The following STS variants were observed in gnomAD, a reference collection of about 807,000 sequenced individuals.
STS encodes the protein steryl-sulfatase.
A neutral mutation model predicts 26.8 loss-of-function variants in STS; 7 were observed. The ratio of observed to expected loss-of-function variants is 0.26; its 90% CI spans 0.15 to 0.49. The LOEUF is 0.49. STS is among the 20% of genes least tolerant of loss of function. The pLI, the probability that STS is intolerant of heterozygous loss-of-function variation, is 0.98. For missense variants in STS, 434 were observed against 465.6 expected, an observed-to-expected ratio of 0.93 and a Z score of 0.63; for synonymous variants, 199 against 189.4, an observed-to-expected ratio of 1.05 and a Z score of -0.42.
intron 7 of STS, among the ~76,000 whole-genome samples, chrX:7,277,254 A>G (rs1256389528): frequency 1.8e-5 from 2 of 112,015 alleles, no homozygotes; most frequent in Non-Finnish European, 3.8e-5. Flanking sequence ...GAAGATTTTC[A>G]TATATTTGTT....
chrX:7,183,132 A>AT (rs1463271364), intron 1 of STS, among the ~76,000 whole-genome samples: 5 of 111,264 alleles, frequency 4.5e-5, no homozygotes, highest in Admixed American at 9.6e-5. Flanking sequence ...ATTTTGCTTG[A>AT]TTTTTTTTCA....
At chrX:7,345,960 G>A (rs1328307101) in intron 10 of STS, among the ~76,000 whole-genome samples, 3 of 111,996 alleles carry the variant, frequency 2.7e-5, no homozygotes, top group African/African-American at 9.7e-5. Flanking sequence ...CACTTCCTGT[G>A]GCTGAGTCGC....
intron 1 of STS, among the ~76,000 whole-genome samples, chrX:7,152,247 C>T (rs754670990): frequency 5.4e-5 from 6 of 112,083 alleles, no homozygotes; most frequent in Non-Finnish European, 5.6e-5. Context: ...CCACCACGCC[C>T]GGCCAGGATT....
At chrX:7,174,991 G>A (rs1479500020) in intron 1 of STS, among the ~76,000 whole-genome samples, 10 of 110,529 alleles carry the variant, frequency 9.0e-5, no homozygotes, top group African/African-American at 2.6e-4. Context: ...ACTTCTTTTC[G>A]AAGGTCAGAA....
Position 7,351,821 on chromosome X carries a change from A to G in STS, c.*1560A>G, listed in dbSNP as rs1433477074. ...TATAATTTCTCTATCCCTACCCACA[A>G]CCCTGGGAAGTTGGAGCAAGAGGGG... On this transcript the variant is annotated 3_prime_UTR_variant, in exon 11 of 11. Coordinates refer to ENST00000674429, the MANE Select transcript of STS (RefSeq NM_001320752.2). 9.2e-6 allele frequency: 1 copy of G among 109,090 alleles called. No homozygotes were observed. The highest frequency in any genetic ancestry group is 3.3e-5 in the African/African-American group (1 of 29,851). The allele number at this position is 109,090 out of a possible 1,213,427, so 9.0% of individuals were successfully genotyped here.
chrX:7,148,313 C>T (rs1490166462), intron 1 of STS: 16 of 264,254 alleles, frequency 6.1e-5, no homozygotes, highest in Non-Finnish European at 1.0e-4. Flanking sequence ...TGGGCTTTCG[C>T]CGCAGCTGTA....
intron 2 of STS, among the ~76,000 whole-genome samples, chrX:7,223,700 G>C (rs1267182878): frequency 9.0e-6 from 1 of 110,583 alleles, no homozygotes; most frequent in Non-Finnish European, 1.9e-5. Flanking sequence ...TTTCCATTCT[G>C]TAGGTTGTCT....
At chrX:7,255,430 T>A (rs762330985) in intron 3 of STS, among the ~76,000 whole-genome samples, 1 of 111,990 alleles carries the variant, frequency 8.9e-6, no homozygotes, top group South Asian at 3.7e-4. Context: ...TATTATGTAT[T>A]CCTAAGATAT....
At chrX:7,235,029 C>T (rs147460299) in intron 2 of STS, among the ~76,000 whole-genome samples, 1,187 of 111,588 alleles carry the variant, frequency 0.011, 12 homozygotes, top group African/African-American at 0.037. Flanking sequence ...TTCAGACTCC[C>T]CAGATTGTTT....
intron 8 of STS, among the ~76,000 whole-genome samples, chrX:7,307,188 T>C (rs1926260617): frequency 9.0e-6 from 1 of 111,618 alleles, no homozygotes; most frequent in South Asian, 3.8e-4. Flanking sequence ...GGACACATAA[T>C]CAATATGTAA....
intron 1 of STS, among the ~76,000 whole-genome samples, chrX:7,187,997 T>C (rs1231022899): frequency 7.1e-5 from 8 of 112,184 alleles, no homozygotes; most frequent in African/African-American, 2.6e-4. Flanking sequence ...TTATTATCTT[T>C]GAACACACAA....
In STS at chrX:7,324,426, G is replaced by A. The variant is rs73469535; in HGVS notation, c.1082-913G>A. Among the ~76,000 whole-genome samples, 1,010 of 111,615 alleles carry A rather than the reference G, an allele frequency of 9.0e-3. 15 individuals carry two copies. Among genetic ancestry groups the A allele is most frequent in the African/African-American group, 0.031 (940 of 30,685 alleles). Reference sequence around the variant, plus strand: ...TCTTGGTCAGTTCTCTCCCGGATCAGGGAGAAGACCCCAAAAGAGAAGGAG... The same window carrying A: ...TCTTGGTCAGTTCTCTCCCGGATCAAGGAGAAGACCCCAAAAGAGAAGGAG... On this transcript the variant is annotated intron_variant, in intron 8 of 10. Transcript: ENST00000674429.
At chrX:7,166,168 T>C (rs778187677) in intron 1 of STS, among the ~76,000 whole-genome samples, 28 of 110,087 alleles carry the variant, frequency 2.5e-4, no homozygotes, top group Non-Finnish European at 5.1e-4. Flanking sequence ...CCACCACACC[T>C]GACTAATTTT....
Position 7,147,946 on chromosome X carries a change from G to C in STS, c.-271G>C. The C allele has an allele frequency of 1.6e-6, 1 of 640,420 alleles. No individual in the cohort carries two copies. The highest frequency in any genetic ancestry group is 4.7e-5 in the East Asian group (1 of 21,444). The allele number at this position is 640,420 out of a possible 1,213,427, so 52.8% of individuals were successfully genotyped here. ...CGCGGGAGCCCGAGCGTCCCTGCAT[G>C]AACACCGCCCCGCCGCGGCCCCCAG... On this transcript the variant is annotated 5_prime_UTR_variant, in exon 1 of 11. The change abolishes an upstream ATG in the 5' untranslated region. Transcript: ENST00000674429.
chrX:7,325,075 G>C (rs761813466), intron 8 of STS, among the ~76,000 whole-genome samples: 2 of 111,804 alleles, frequency 1.8e-5, no homozygotes, highest in South Asian at 3.8e-4. Context: ...TCAAATCTTT[G>C]TTGCGTTGAG....
At chrX:7,151,974 A>G (rs1217177427) in intron 1 of STS, among the ~76,000 whole-genome samples, 1 of 110,812 alleles carries the variant, frequency 9.0e-6, no homozygotes, top group East Asian at 2.8e-4. Flanking sequence ...ATTTTTTGAG[A>G]TGGAGTCTCA....
chrX:7,261,072 A>G (rs1172488185), intron 6 of STS, among the ~76,000 whole-genome samples: 2 of 111,553 alleles, frequency 1.8e-5, no homozygotes, highest in African/African-American at 6.5e-5. Flanking sequence ...TAGATATTAT[A>G]TAGAGGCTAT....
chrX:7,348,399 G>A (rs749801528), intron 10 of STS, among the ~76,000 whole-genome samples: 1 of 112,343 alleles, frequency 8.9e-6, no homozygotes, highest in Non-Finnish European at 1.9e-5. Flanking sequence ...GACTTACACA[G>A]GGGTGGAGGG....
chrX:7,297,394 C>G (rs1186631793), intron 7 of STS, among the ~76,000 whole-genome samples: 2 of 110,563 alleles, frequency 1.8e-5, no homozygotes, highest in Non-Finnish European at 3.8e-5. Context: ...ACTATGAAAC[C>G]TATATGCTAA....
Sources: allele counts gnomAD v4.1 joint callset (sites outside exome capture counted in the v4.1 genomes callset), GRCh38; gene constraint gnomAD v4.1.1; transcripts MANE v1.5; gene names NCBI Gene and HGNC (gene_info 2026-07-23, HGNC 2026-07-21).